The following SELPLG variants were observed in gnomAD, a reference collection of about 807,000 sequenced individuals.
SELPLG encodes selectin P ligand.
A neutral mutation model predicts 1.1 loss-of-function variants in SELPLG; 2 were observed. That is an observed-to-expected ratio of 1.82 (90% CI 0.74 to 5.71). The LOEUF is 5.71. Among genes scored for constraint, SELPLG ranks in the 30% most tolerant of loss-of-function variants. The probability of loss-of-function intolerance (pLI) is 0.05; values close to 1 mark genes in which losing one functional copy is unlikely to be tolerated. For missense variants in SELPLG, 478 were observed against 524.7 expected (o/e 0.91, Z 0.87); for synonymous variants, 230 against 221.2 (o/e 1.04, Z -0.35).
At chr12:108,631,539 G>A (rs2032053450) in intron 1 of SELPLG, among the ~76,000 whole-genome samples, 4 of 152,100 alleles carry the variant, frequency 2.6e-5, no homozygotes, top group Admixed American at 6.5e-5. Context: ...CATGAGCCAC[G>A]GTGACCAGCC....
intron 1 of SELPLG, 154 bp from the exon 2 acceptor site, chr12:108,624,466 G>A (rs1565889034): frequency 4.6e-6 from 3 of 649,710 alleles, no homozygotes; most frequent in East Asian, 5.5e-5. Context: ...TGCCTGGGAT[G>A]GAGAAGATCC....
chr12:108,623,621 C>G lies in SELPLG; in HGVS notation c.687G>C (p.Met229Ile), dbSNP rs767579813. Reference sequence around the variant, plus strand: ...CTTCTGGTGCAGTGGTCTGTGCCTCCATGGCTGTGGTTTGAGTGGTCTGTG... The same window carrying G: ...CTTCTGGTGCAGTGGTCTGTGCCTCGATGGCTGTGGTTTGAGTGGTCTGTG... ...MEAQTTQTTAMEAQTTAPEAT... is the reference protein window; with the variant it reads ...MEAQTTQTTAIEAQTTAPEAT... Residue 229 changes from methionine (M) to isoleucine (I), a missense_variant, in exon 2 of 2, where the codon ATG (methionine) becomes ATC (isoleucine). Transcript: ENST00000550948. 1 of 1,607,112 alleles carries G rather than the reference C, an allele frequency of 6.2e-7. No individual in the cohort carries two copies. Among genetic ancestry groups the G allele is most frequent in the African/African-American group, 1.4e-5 (1 of 72,510 alleles).
At chr12:108,632,143 C>G in intron 1 of SELPLG, 1 of 564,686 alleles carries the variant, frequency 1.8e-6, no homozygotes, top group South Asian at 2.2e-5. Flanking sequence ...CTTCCGCTCT[C>G]TGAGGTTTAA....
chr12:108,626,085 T>C (rs1245797843), intron 1 of SELPLG, among the ~76,000 whole-genome samples: 1 of 152,028 alleles, frequency 6.6e-6, no homozygotes, highest in Non-Finnish European at 1.5e-5. Flanking sequence ...AGGTTCAATC[T>C]GATCTCTTTC....
At chr12:108,630,372 G>A (rs967912822) in intron 1 of SELPLG, among the ~76,000 whole-genome samples, 94 of 152,226 alleles carry the variant, frequency 6.2e-4, no homozygotes, top group African/African-American at 2.2e-3. Flanking sequence ...ACGCCGCTAG[G>A]AACCTTGCAC....
In SELPLG at chr12:108,624,167, C is replaced by T. The variant is rs757985486; in HGVS notation, c.141G>A (p.Glu47=). The change falls in exon 2 of 2, where the codon GAG becomes GAA. Residue 47 remains glutamate, a synonymous_variant. Coordinates refer to ENST00000550948, the MANE Select transcript of SELPLG (RefSeq NM_003006.4). ...CTGGCAGGAAATCATAATCTAGGTA[C>T]TCATATTCGGTGGCCTGTCTCCGGT... The part of the protein sequence containing the change: ...ARDRRQATEY[E]YLDYDFLPET... The T allele has an allele frequency of 6.2e-7, 1 of 1,614,166 alleles. No homozygotes were observed. The highest frequency in any genetic ancestry group is 8.5e-7 in the Non-Finnish European group (1 of 1,180,030).
At chr12:108,624,835 A>G (rs1384852494) in intron 1 of SELPLG, among the ~76,000 whole-genome samples, 2 of 151,944 alleles carry the variant, frequency 1.3e-5, no homozygotes, top group Non-Finnish European at 2.9e-5. Flanking sequence ...GATTACAGGC[A>G]TGCACAACCA....
chr12:108,626,181 A>T (rs1177421411), intron 1 of SELPLG, among the ~76,000 whole-genome samples: 1 of 134,362 alleles, frequency 7.4e-6, no homozygotes, highest in Non-Finnish European at 1.5e-5. Flanking sequence ...GTTGCCCAGG[A>T]TGGAGTGCAG....
chr12:108,631,841 C>A (rs1413545874), intron 1 of SELPLG: 4 of 1,496,736 alleles, frequency 2.7e-6, no homozygotes, highest in East Asian at 2.5e-5. Flanking sequence ...CAAACACAGA[C>A]CCCCAACACA....
In SELPLG at chr12:108,632,137, C is replaced by T. The variant is rs578057085; in HGVS notation, c.-6+1603G>A. 5.7e-4 allele frequency: 324 copies of T among 568,976 alleles called. 2 individuals carry two copies. In the East Asian group the frequency reaches 8.7e-3, roughly 15 times the overall value. 35.2% of individuals were successfully genotyped at this position (568,976 alleles called of 1,614,324 possible). ...GCCCAGCCTAGCAACCCAGCCCTTC[C>T]GCTCTCTGAGGTTTAACTCCCCTGG... On this transcript the variant is annotated intron_variant, in intron 1 of 1. Coordinates refer to ENST00000550948, the MANE Select transcript of SELPLG (RefSeq NM_003006.4).
At chr12:108,629,151 C>T (rs147641838) in intron 1 of SELPLG, among the ~76,000 whole-genome samples, 53 of 152,292 alleles carry the variant, frequency 3.5e-4, no homozygotes, top group African/African-American at 1.2e-3. Context: ...CAGAGACCTC[C>T]GTACCTGTTA....
chr12:108,628,786 C>A (rs2031991551), intron 1 of SELPLG: 1 of 152,292 alleles, frequency 6.6e-6, no homozygotes, highest in Admixed American at 6.5e-5. Context: ...CCCCTACAGC[C>A]ATCCCCACAG....
chr12:108,624,391 C>G, intron 1 of SELPLG, 79 bp from the exon 2 acceptor site: 3 of 1,312,752 alleles, frequency 2.3e-6, no homozygotes, highest in South Asian at 2.8e-5. Context: ...CCACCACCCT[C>G]TACTGCCACA....
chr12:108,623,987 G>A lies in SELPLG; in HGVS notation c.321C>T (p.Ala107=). 5 of 1,614,166 alleles carry A rather than the reference G, an allele frequency of 3.1e-6. No homozygotes were observed. The highest frequency in any genetic ancestry group is 4.2e-6 in the Non-Finnish European group (5 of 1,180,030). Residue 107 remains alanine, a synonymous_variant, in exon 2 of 2, where the codon GCC becomes GCT. Transcript: ENST00000550948. ...AATCCGTGGACAGGTTCCCCATGTT[G>A]GCCAGCTCCGTGGTCAGCTCTGTGA... The part of the protein sequence containing the change: ...GAVTELTTEL[A]NMGNLSTDSA...
At position 108,623,159 on chromosome 12, in the gene SELPLG, G is replaced by GC; in HGVS notation, c.1148dup (p.Leu384ProfsTer18). 2 of 1,612,422 alleles carry GC rather than the reference G, an allele frequency of 1.2e-6. No homozygotes were observed. Among genetic ancestry groups the GC allele is most frequent in the South Asian group, 2.2e-5 (2 of 90,792 alleles). Reference sequence around the variant, plus strand: ...GGCCCGGGCTCTTGGCCTTGGACAGGCCCCCATTGGCTGTGGCAGAGGGCC... The same window carrying GC: ...GGCCCGGGCTCTTGGCCTTGGACAGGCCCCCCATTGGCTGTGGCAGAGGGCC... On this transcript the variant is annotated frameshift_variant, in exon 2 of 2. Transcript: ENST00000550948. LOFTEE classifies it low-confidence loss of function (END_TRUNC).
At chr12:108,628,242 G>A (rs1278349499) in intron 1 of SELPLG, among the ~76,000 whole-genome samples, 10 of 151,318 alleles carry the variant, frequency 6.6e-5, no homozygotes, top group Admixed American at 6.6e-4. Context: ...CAGCCTGGGC[G>A]ACAGAGTGAG....
chr12:108,622,855 C>T lies in SELPLG; in HGVS notation c.*214G>A, dbSNP rs900740027. On this transcript the variant is annotated 3_prime_UTR_variant, in exon 2 of 2. Transcript: ENST00000550948. ...GGCTGAAATGTGGCTGGGCTTCATC[C>T]GCGGAGGGAGGAAAGAGGTGGCTCC... 2.4e-5 allele frequency: 12 copies of T among 498,626 alleles called. No homozygotes were observed. The highest frequency in any genetic ancestry group is 4.3e-5 in the South Asian group (1 of 23,080). 30.9% of individuals were successfully genotyped at this position (498,626 alleles called of 1,614,324 possible).
intron 1 of SELPLG, among the ~76,000 whole-genome samples, chr12:108,627,065 C>G (rs1245498740): frequency 4.6e-5 from 7 of 152,210 alleles, no homozygotes; most frequent in Admixed American, 4.6e-4. Flanking sequence ...GATCACACCA[C>G]TGCACTCCAG....
intron 1 of SELPLG, among the ~76,000 whole-genome samples, chr12:108,627,141 G>A (rs777089984): frequency 6.6e-5 from 10 of 152,142 alleles, no homozygotes; most frequent in Non-Finnish European, 1.0e-4. Context: ...CAAACTTTAC[G>A]ATATTTGCAC....
Sources: allele counts gnomAD v4.1 joint callset (sites outside exome capture counted in the v4.1 genomes callset), GRCh38; gene constraint gnomAD v4.1.1; transcripts MANE v1.5; gene names NCBI Gene and HGNC (gene_info 2026-07-23, HGNC 2026-07-21).